The following FKTN variants were observed in gnomAD, a reference collection of about 807,000 sequenced individuals.
The protein encoded by FKTN is fukutin, also known as ribitol-5-phosphate transferase FKTN.
FKTN carries 47 observed loss-of-function variants against 58.6 expected under a neutral mutation model. The ratio of observed to expected loss-of-function variants is 0.80; its 90% CI spans 0.63 to 1.02. The LOEUF (loss-of-function observed/expected upper bound fraction) is 1.02, where lower values mean the gene tolerates loss of function less well. FKTN is among the 50% of genes least tolerant of loss of function. The pLI is 0.00. For missense variants in FKTN, 516 were observed against 537.3 expected, an observed-to-expected ratio of 0.96 and a Z score of 0.39; for synonymous variants, 178 against 191.9, an observed-to-expected ratio of 0.93 and a Z score of 0.60.
At chr9:105,582,774 A>G (rs1843244156) in intron 3 of FKTN, among the ~76,000 whole-genome samples, 3 of 152,136 alleles carry the variant, frequency 2.0e-5, no homozygotes, top group Admixed American at 6.5e-5. Flanking sequence ...GATTTTTGTT[A>G]TATATTACAA....
At chr9:105,631,212 T>C (rs183838058) in intron 10 of FKTN, among the ~76,000 whole-genome samples, 1 of 152,298 alleles carries the variant, frequency 6.6e-6, no homozygotes, top group Admixed American at 6.5e-5. Context: ...CAATCATGTT[T>C]AATGATAAAA....
intron 6 of FKTN, among the ~76,000 whole-genome samples, chr9:105,605,225 A>G (rs930882205): frequency 2.6e-5 from 4 of 152,236 alleles, no homozygotes; most frequent in African/African-American, 4.8e-5. Flanking sequence ...TAAGTGAACT[A>G]TCCTTTAAAG....
intron 10 of FKTN, among the ~76,000 whole-genome samples, chr9:105,629,063 C>G (rs1034667896): frequency 6.6e-6 from 1 of 152,018 alleles, no homozygotes; most frequent in Non-Finnish European, 1.5e-5. Flanking sequence ...TAACTTATAC[C>G]TCAAAAGAAG....
chr9:105,596,051 C>T (rs959675667), intron 3 of FKTN, among the ~76,000 whole-genome samples: 2 of 152,036 alleles, frequency 1.3e-5, no homozygotes, highest in East Asian at 1.9e-4. Flanking sequence ...TTCAAAATTA[C>T]GATGTATGTT....
Position 105,604,439 on chromosome 9 carries a change from A to G in FKTN, c.594A>G (p.Lys198=). ...HLRLKEHIDR[K]FVPFRKLQFG... ...GACTTAAAGAACACATTGACAGGAA[A>G]TTTGTTCCCTTCCGAAAGTTACAGT... The change falls in exon 6 of 11, where the codon AAA becomes AAG. Residue 198 remains lysine (K), a synonymous_variant. Coordinates refer to ENST00000357998, the MANE Select transcript of FKTN (RefSeq NM_001079802.2). 1.4e-5 allele frequency: 22 copies of G among 1,614,154 alleles called. No individual in the cohort carries two copies. Among genetic ancestry groups the G allele is most frequent in the Non-Finnish European group, 1.9e-5 (22 of 1,180,004 alleles).
chr9:105,569,702 A>G (rs375281932), intron 1 of FKTN, among the ~76,000 whole-genome samples: 3 of 152,218 alleles, frequency 2.0e-5, no homozygotes, highest in African/African-American at 4.8e-5. Flanking sequence ...CTGTGTCGCA[A>G]TATACCATAA....
rs182623015 is a variant in FKTN, at chr9:105,561,431, A to G, written c.-181+3266A>G. 5.3e-5 allele frequency among the ~76,000 whole-genome samples: 8 copies of G among 152,256 alleles called. No individual in the cohort carries two copies. In the East Asian group the frequency reaches 5.8e-4, roughly 11 times the overall value. ...TAGTTTTTTTCTTACTACAAAATCA[A>G]TTGATGTTCACGTAAGATAAATAAG... On this transcript the variant is annotated intron_variant, in intron 1 of 10. Transcript: ENST00000357998.
At chr9:105,564,194 G>C (rs537969407) in intron 1 of FKTN, among the ~76,000 whole-genome samples, 13 of 152,206 alleles carry the variant, frequency 8.5e-5, no homozygotes, top group South Asian at 8.3e-4. Flanking sequence ...CACAAAGATG[G>C]GGAAAAAACA....
At chr9:105,610,667 C>T (rs1210802539) in intron 7 of FKTN, among the ~76,000 whole-genome samples, 4 of 151,850 alleles carry the variant, frequency 2.6e-5, no homozygotes, top group Admixed American at 2.6e-4. Context: ...TGCTGTTCTG[C>T]AGAGAGGCTT....
At chr9:105,574,771 C>G in intron 2 of FKTN, 174 bp from the exon 3 acceptor site, 1 of 344,418 alleles carries the variant, frequency 2.9e-6, no homozygotes, top group Non-Finnish European at 5.3e-6. Context: ...TGATAATAAA[C>G]ATTTTTGTTT....
chr9:105,626,981 CTTTT>C (rs60710867), intron 10 of FKTN, among the ~76,000 whole-genome samples: 4 of 128,024 alleles, frequency 3.1e-5, no homozygotes, highest in Admixed American at 8.1e-5. Context: ...CTTCTTTATT[CTTTT>C]TTTTTTTTTT....
chr9:105,576,130 AAAACTG>A (rs1259979134), intron 3 of FKTN, among the ~76,000 whole-genome samples: 1 of 150,708 alleles, frequency 6.6e-6, no homozygotes, highest in Non-Finnish European at 1.5e-5. Context: ...GACAGATAAG[AAAACTG>A]AAACTTTTCT....
intron 7 of FKTN, among the ~76,000 whole-genome samples, chr9:105,614,321 A>G (rs1402406154): frequency 6.6e-6 from 1 of 152,200 alleles, no homozygotes; most frequent in Non-Finnish European, 1.5e-5. Context: ...GTGAAGTATA[A>G]TAATTATCTT....
At chr9:105,633,282 T>C (rs1833703019) in intron 10 of FKTN, 2 of 152,258 alleles carry the variant, frequency 1.3e-5, no homozygotes, top group South Asian at 4.1e-4. Flanking sequence ...TTCAAAACAT[T>C]GCTTTTGTAA....
chr9:105,603,181 G>A (rs76024630), intron 5 of FKTN, among the ~76,000 whole-genome samples: 5,175 of 152,158 alleles, frequency 0.034, 209 homozygotes, highest in African/African-American at 0.091. Context: ...CCAAGGTCAC[G>A]TTCTTCTCAA....
chr9:105,615,392 A>C lies in FKTN; in HGVS notation c.895A>C (p.Ser299Arg), dbSNP rs367662190. 6.2e-6 allele frequency: 10 copies of C among 1,614,044 alleles called. No individual in the cohort carries two copies. Among genetic ancestry groups the C allele is most frequent in the Non-Finnish European group, 7.6e-6 (9 of 1,179,994 alleles). The change falls in exon 8 of 11, where the codon AGT (serine) becomes CGT (arginine). Residue 299 changes from serine (S) to arginine (R), a missense_variant. Transcript: ENST00000357998. Reference sequence around the variant, plus strand: ...ATTGGGAGTACCATTCTGGCTGAGCAGTGGAACTTGTCTAGGTAAAATTCT... The same window carrying C: ...ATTGGGAGTACCATTCTGGCTGAGCCGTGGAACTTGTCTAGGTAAAATTCT... ...NKLGVPFWLS[S>R]GTCLGWYRQC...
At chr9:105,570,484 A>G in intron 1 of FKTN, among the ~76,000 whole-genome samples, 1 of 152,212 alleles carries the variant, frequency 6.6e-6, no homozygotes. Flanking sequence ...ATCATAAACT[A>G]GAACAGTGGT....
intron 3 of FKTN, among the ~76,000 whole-genome samples, chr9:105,593,549 A>G (rs1295700874): frequency 6.6e-6 from 1 of 152,140 alleles, no homozygotes; most frequent in Non-Finnish European, 1.5e-5. Flanking sequence ...AAGCATATAG[A>G]TGGTGTCTAA....
chr9:105,631,740 A>G (rs1833479129), intron 10 of FKTN, among the ~76,000 whole-genome samples: 1 of 148,550 alleles, frequency 6.7e-6, no homozygotes, highest in Admixed American at 6.7e-5. Context: ...ACCAGTTAGA[A>G]TGGCAATCAT....
Sources: allele counts gnomAD v4.1 joint callset (sites outside exome capture counted in the v4.1 genomes callset), GRCh38; gene constraint gnomAD v4.1.1; transcripts MANE v1.5; gene names NCBI Gene and HGNC (gene_info 2026-07-23, HGNC 2026-07-21).